SNAP91: variants seen among roughly 807,000 people sequenced by gnomAD.
SNAP91 encodes clathrin coat assembly protein AP180.
In SNAP91, 27 loss-of-function variants were observed where a neutral mutation model predicts 100.3. The observed-to-expected ratio is 0.27, with a 90% confidence interval of 0.20 to 0.37. The LOEUF (loss-of-function observed/expected upper bound fraction) is 0.37, where lower values mean the gene tolerates loss of function less well. Ranked by LOEUF, SNAP91 falls within the 10% of genes least tolerant of loss-of-function variation. The pLI, the probability that SNAP91 is intolerant of heterozygous loss-of-function variation, is 1.00. For synonymous variants in SNAP91, 404 were observed against 398.6 expected (o/e 1.01, Z -0.16); for missense variants, 986 against 1,123.7 (o/e 0.88, Z 1.75).
At chr6:83,608,863 GTT>G (rs2095815807) in intron 12 of SNAP91, among the ~76,000 whole-genome samples, 1 of 152,148 alleles carries the variant, frequency 6.6e-6, no homozygotes, top group African/African-American at 2.4e-5. Flanking sequence ...TGTGGATGTT[GTT>G]AATCAGAAAA....
At position 83,592,517 on chromosome 6, in the gene SNAP91, G is replaced by T; in HGVS notation, c.1868C>A (p.Ser623Tyr). The change falls in exon 21 of 30, where the codon TCT (serine) becomes TAT (tyrosine). Residue 623 changes from serine (S) to tyrosine (Y), a missense_variant. Physicochemically the swap from Ser to Tyr is moderately radical, Grantham distance 144 (BLOSUM62 -2). This residue lies in a region of SNAP91 where 575 missense variants were observed against 579.9 expected (regional missense o/e 0.99). Coordinates refer to ENST00000369694, the MANE Select transcript of SNAP91 (RefSeq NM_001242792.2). ...LLSVDAFAAP[S>Y]PATTASPAKV... Reference sequence around the variant, plus strand: ...TGCTGGCGAGGCAGTGGTTGCAGGAGATGGTGCTGCAAATGCATCCACTGC... The same window carrying T: ...TGCTGGCGAGGCAGTGGTTGCAGGATATGGTGCTGCAAATGCATCCACTGC... 2 of 1,609,758 alleles carry T rather than the reference G, an allele frequency of 1.2e-6. No individual in the cohort carries two copies. Among genetic ancestry groups the T allele is most frequent in the Non-Finnish European group, 1.7e-6 (2 of 1,178,056 alleles).
chr6:83,637,390 G>A (rs1003115456), intron 8 of SNAP91, among the ~76,000 whole-genome samples: 6 of 152,140 alleles, frequency 3.9e-5, no homozygotes, highest in African/African-American at 1.2e-4. Context: ...GACTACTAGC[G>A]GTCTGGTGTT....
intron 26 of SNAP91, among the ~76,000 whole-genome samples, chr6:83,568,373 AT>A (rs1800531444): frequency 6.6e-6 from 1 of 152,146 alleles, no homozygotes; most frequent in Non-Finnish European, 1.5e-5. Context: ...GAGGGATAGC[AT>A]TAGGAGATAT....
chr6:83,665,322 G>A lies in SNAP91; in HGVS notation c.273+117C>T, dbSNP rs369079394. 8.0e-6 allele frequency: 8 copies of A among 998,944 alleles called. No homozygotes were observed. In the African/African-American group the frequency reaches 1.1e-4, roughly 14 times the overall value. 61.9% of individuals were successfully genotyped at this position (998,944 alleles called of 1,614,324 possible). On this transcript the variant is annotated intron_variant, in intron 3 of 29. Coordinates refer to ENST00000369694, the MANE Select transcript of SNAP91 (RefSeq NM_001242792.2). ...TGTATTCTAGATGATCCGGAACTGT[G>A]TATTTCCTTTTCTTTTTCTCCTAAT...
intron 26 of SNAP91, among the ~76,000 whole-genome samples, chr6:83,573,121 T>G (rs1053049386): frequency 3.3e-5 from 5 of 152,194 alleles, no homozygotes; most frequent in African/African-American, 1.2e-4. Flanking sequence ...GGGCCTTAGA[T>G]TTTTGTATTG....
intron 2 of SNAP91, among the ~76,000 whole-genome samples, chr6:83,677,065 T>C (rs1431626344): frequency 1.3e-5 from 2 of 152,142 alleles, no homozygotes; most frequent in African/African-American, 2.4e-5. Flanking sequence ...AGAAAAACAC[T>C]GTAGGTGAGC....
At chr6:83,558,512 C>T (rs142852611) in intron 28 of SNAP91, among the ~76,000 whole-genome samples, 37 of 152,348 alleles carry the variant, frequency 2.4e-4, no homozygotes, top group Non-Finnish European at 4.0e-4. Flanking sequence ...TTCTGTCTTT[C>T]AACATCCACC....
At chr6:83,600,253 G>A (rs1290102769) in intron 16 of SNAP91, among the ~76,000 whole-genome samples, 2 of 152,156 alleles carry the variant, frequency 1.3e-5, no homozygotes, top group South Asian at 2.1e-4. Context: ...GATGATGTTG[G>A]CCAACCTTAG....
rs543977047 is a variant in SNAP91, at chr6:83,568,193, T to C, written c.2442+6817A>G. On this transcript the variant is annotated intron_variant, in intron 26 of 29. Coordinates refer to ENST00000369694, the MANE Select transcript of SNAP91 (RefSeq NM_001242792.2). ...AAAAAGGATGAGTTCACGTCTTTTG[T>C]AGGGACATGGATGAAGCTGGAAACC... Among the ~76,000 whole-genome samples the C allele has an allele frequency of 5.3e-5, 8 of 152,252 alleles. No individual in the cohort carries two copies. In the South Asian group the frequency reaches 1.5e-3, roughly 28 times the overall value.
intron 9 of SNAP91, among the ~76,000 whole-genome samples, chr6:83,620,993 G>A (rs2096702120): frequency 6.6e-6 from 1 of 152,058 alleles, no homozygotes; most frequent in African/African-American, 2.4e-5. Context: ...GTGAGCCACC[G>A]CGCCCAGCCT....
At chr6:83,592,892 A>T in intron 20 of SNAP91, 54 bp downstream of exon 20, 1 of 1,275,500 alleles carries the variant, frequency 7.8e-7, no homozygotes, top group Non-Finnish European at 1.1e-6. Context: ...CCTTCTCTCT[A>T]TGCATTACTT....
chr6:83,558,586 G>T (rs1176286373), intron 28 of SNAP91, among the ~76,000 whole-genome samples: 1 of 152,276 alleles, frequency 6.6e-6, no homozygotes, highest in East Asian at 1.9e-4. Context: ...GGAAATTTTG[G>T]GAACAGGTCA....
intron 7 of SNAP91, among the ~76,000 whole-genome samples, chr6:83,647,000 A>G (rs550888531): frequency 2.0e-5 from 3 of 151,800 alleles, no homozygotes; most frequent in Non-Finnish European, 4.4e-5. Flanking sequence ...CATTGCTAGT[A>G]TATCAGAAAG....
At chr6:83,612,360 C>A (rs1311375352) in intron 11 of SNAP91, among the ~76,000 whole-genome samples, 1 of 152,042 alleles carries the variant, frequency 6.6e-6, no homozygotes, top group Non-Finnish European at 1.5e-5. Flanking sequence ...AATAATTTCT[C>A]CACTTCCACT....
intron 19 of SNAP91, 63 bp downstream of exon 19, chr6:83,593,119 A>T (rs542171338): frequency 6.6e-7 from 1 of 1,525,872 alleles, no homozygotes; most frequent in South Asian, 1.2e-5. Flanking sequence ...GTGAGTACAA[A>T]GAGCTTAATC....
chr6:83,575,875 C>A (rs1817887062), intron 25 of SNAP91, 148 bp downstream of exon 25: 1 of 580,202 alleles, frequency 1.7e-6, no homozygotes, highest in South Asian at 2.2e-5. Flanking sequence ...CAACAAAAAT[C>A]TGGGATGAAA....
chr6:83,668,315 C>G (rs1314519608), intron 2 of SNAP91, among the ~76,000 whole-genome samples: 3 of 152,134 alleles, frequency 2.0e-5, no homozygotes, highest in African/African-American at 7.2e-5. Flanking sequence ...TTTGACCCAG[C>G]CATCCCATTA....
chr6:83,614,847 C>T lies in SNAP91; in HGVS notation c.884+10G>A, dbSNP rs781204901. On this transcript the variant is annotated intron_variant, in intron 11 of 29. Coordinates refer to ENST00000369694, the MANE Select transcript of SNAP91 (RefSeq NM_001242792.2). Reference sequence around the variant, plus strand: ...CCAAATGCAAAAAACTCACTCCATACAGTACTCACCCTTCACTTAAGTTCC... The same window carrying T: ...CCAAATGCAAAAAACTCACTCCATATAGTACTCACCCTTCACTTAAGTTCC... 1.3e-6 allele frequency: 2 copies of T among 1,587,342 alleles called. No individual in the cohort carries two copies. The highest frequency in any genetic ancestry group is 1.1e-5 in the South Asian group (1 of 88,950).
At chr6:83,658,331 C>A (rs2098456398) in intron 6 of SNAP91, among the ~76,000 whole-genome samples, 1 of 152,064 alleles carries the variant, frequency 6.6e-6, no homozygotes, top group South Asian at 2.1e-4. Context: ...GTTTCTAGGC[C>A]AGGCGTGGTG....
Sources: gnomAD v4.1 joint callset for allele counts (sites outside exome capture counted in the v4.1 genomes callset) on GRCh38, gnomAD v4.1.1 for gene constraint, gnomAD v4.1.1 regional missense constraint, MANE v1.5 for transcripts, NCBI Gene and HGNC (gene_info 2026-07-23, HGNC 2026-07-21) for gene names.